The following BMPR1B variants were observed in gnomAD, a reference collection of about 807,000 sequenced individuals.
The protein encoded by BMPR1B is bone morphogenetic protein receptor type-1B.
BMPR1B carries 12 observed loss-of-function variants against 59.1 expected under a neutral mutation model. That is an observed-to-expected ratio of 0.20 (90% CI 0.13 to 0.33). The LOEUF is 0.33. Ranked by LOEUF, BMPR1B falls within the 10% of genes least tolerant of loss-of-function variation. The probability of loss-of-function intolerance (pLI) is 1.00; values close to 1 mark genes in which losing one functional copy is unlikely to be tolerated. For synonymous variants in BMPR1B, 237 were observed against 207.3 expected, an observed-to-expected ratio of 1.14 and a Z score of -1.23; for missense variants, 550 against 610.9, an observed-to-expected ratio of 0.90 and a Z score of 1.05.
At chr4:95,006,870 A>G (rs1317892845) in intron 3 of BMPR1B, among the ~76,000 whole-genome samples, 1 of 152,040 alleles carries the variant, frequency 6.6e-6, no homozygotes, top group Admixed American at 6.6e-5. Context: ...TTTACAGTAT[A>G]ATATATGACT....
intron 3 of BMPR1B, among the ~76,000 whole-genome samples, chr4:95,076,894 G>A (rs1728753817): frequency 6.6e-6 from 1 of 152,128 alleles, no homozygotes; most frequent in Non-Finnish European, 1.5e-5. Context: ...AGAAGATGAA[G>A]CTGGAATGGA....
chr4:95,093,731 G>A (rs1402200529), intron 3 of BMPR1B, among the ~76,000 whole-genome samples: 1 of 152,056 alleles, frequency 6.6e-6, no homozygotes, highest in Non-Finnish European at 1.5e-5. Flanking sequence ...CGGGTGATGT[G>A]TAATGTCGAT....
chr4:95,053,924 C>T (rs1390655091), intron 3 of BMPR1B, among the ~76,000 whole-genome samples: 6 of 152,146 alleles, frequency 3.9e-5, no homozygotes, highest in African/African-American at 1.4e-4. Flanking sequence ...TTGACAACAT[C>T]TAACATCCTT....
intron 1 of BMPR1B, among the ~76,000 whole-genome samples, chr4:94,840,620 C>CT (rs1039856643): frequency 3.4e-5 from 5 of 145,500 alleles, no homozygotes; most frequent in Non-Finnish European, 7.6e-5. Context: ...CCATCAGCTC[C>CT]TTTAAGCACT....
At chr4:94,854,304 T>C (rs181231057) in intron 1 of BMPR1B, among the ~76,000 whole-genome samples, 55 of 152,300 alleles carry the variant, frequency 3.6e-4, no homozygotes, top group African/African-American at 1.3e-3. Flanking sequence ...ATAATGAATT[T>C]GAATATGGAA....
chr4:94,830,095 T>G (rs1299331525), intron 1 of BMPR1B, among the ~76,000 whole-genome samples: 1 of 152,156 alleles, frequency 6.6e-6, no homozygotes, highest in African/African-American at 2.4e-5. Flanking sequence ...AAGTAATATA[T>G]TTAGGTCATC....
At chr4:94,942,449 C>T (rs1309316499) in intron 2 of BMPR1B, among the ~76,000 whole-genome samples, 1 of 152,106 alleles carries the variant, frequency 6.6e-6, no homozygotes, top group Non-Finnish European at 1.5e-5. Context: ...ACTTTAGAAC[C>T]TCTGGAAATT....
intron 3 of BMPR1B, chr4:95,091,548 C>G (rs2149249047): frequency 1.0e-6 from 1 of 985,300 alleles, no homozygotes; most frequent in East Asian, 1.1e-4. Context: ...GTGGAAACCC[C>G]TAGCAATTCT....
chr4:94,975,903 A>G (rs186807649), intron 2 of BMPR1B, among the ~76,000 whole-genome samples: 783 of 152,222 alleles, frequency 5.1e-3, no homozygotes, highest in Middle Eastern at 0.014. Context: ...TTTTGTTTCT[A>G]TTAATTCTAT....
intron 1 of BMPR1B, among the ~76,000 whole-genome samples, chr4:94,834,770 G>A (rs1724735051): frequency 6.6e-6 from 1 of 152,086 alleles, no homozygotes; most frequent in Admixed American, 6.6e-5. Flanking sequence ...CTCAACAGTA[G>A]CAGCTCTTCC....
chr4:95,135,969 T>C (rs927910280), intron 10 of BMPR1B, among the ~76,000 whole-genome samples: 2 of 152,220 alleles, frequency 1.3e-5, no homozygotes, highest in Non-Finnish European at 2.9e-5. Flanking sequence ...TTCCAGTGTT[T>C]GCCCATTCAG....
chr4:95,061,606 C>T (rs540078053), intron 3 of BMPR1B, among the ~76,000 whole-genome samples: 177 of 152,150 alleles, frequency 1.2e-3, no homozygotes, highest in African/African-American at 4.0e-3. Flanking sequence ...TTTTTGAAAG[C>T]GAAGAAAATG....
rs1296488991 is a variant in BMPR1B at position 95,061,205 on chromosome 4, ACACAC to A, written c.-17-43197_-17-43193del. Among the ~76,000 whole-genome samples the A allele has an allele frequency of 1.2e-3, 152 of 126,338 alleles. 1 individual carries two copies. Among genetic ancestry groups the A allele is most frequent in the African/African-American group, 4.1e-3 (136 of 33,464 alleles). 82.9% of individuals were successfully genotyped at this position (126,338 alleles called of 152,430 possible). ...CACACACACACACACACACACACAC[ACACAC>A]CACACACCCCTCCATTGAATATACA... is the stretch of plus-strand genomic sequence containing the variant. On this transcript the variant is annotated intron_variant, in intron 3 of 12. Coordinates refer to ENST00000515059, the MANE Select transcript of BMPR1B (RefSeq NM_001203.3).
intron 3 of BMPR1B, among the ~76,000 whole-genome samples, chr4:95,007,940 AAATTT>A (rs538184288): frequency 1.3e-5 from 2 of 152,200 alleles, no homozygotes; most frequent in Non-Finnish European, 2.9e-5. Context: ...AAAATTTTAT[AAATTT>A]AATTTAGTTG....
At chr4:95,047,211 G>T (rs999515331) in intron 3 of BMPR1B, among the ~76,000 whole-genome samples, 2 of 152,132 alleles carry the variant, frequency 1.3e-5, no homozygotes, top group East Asian at 3.9e-4. Flanking sequence ...TATATTACCA[G>T]CAACCAAGCT....
At chr4:94,994,594 C>G (rs1721942452) in intron 2 of BMPR1B, among the ~76,000 whole-genome samples, 1 of 152,096 alleles carries the variant, frequency 6.6e-6, no homozygotes, top group Non-Finnish European at 1.5e-5. Flanking sequence ...ACCTATATAC[C>G]TGTGTCGACA....
chr4:95,123,729 G>T, intron 6 of BMPR1B, 81 bp from the exon 7 acceptor site: 2 of 1,121,730 alleles, frequency 1.8e-6, no homozygotes, highest in Non-Finnish European at 2.7e-6. Flanking sequence ...TACTTAGCAA[G>T]TACCTTTAGG....
chr4:94,809,766 A>G (rs1723743736), intron 1 of BMPR1B, among the ~76,000 whole-genome samples: 1 of 152,254 alleles, frequency 6.6e-6, no homozygotes, highest in Non-Finnish European at 1.5e-5. Flanking sequence ...AGCTTTCTAC[A>G]GCTTGCTCCC....
At chr4:94,924,472 A>G (rs1410220061) in intron 2 of BMPR1B, among the ~76,000 whole-genome samples, 1 of 152,058 alleles carries the variant, frequency 6.6e-6, no homozygotes, top group Non-Finnish European at 1.5e-5. Context: ...ATCCTTGTTT[A>G]CCCCATCACT....
Sources: gnomAD v4.1 joint callset for allele counts (sites outside exome capture counted in the v4.1 genomes callset) on GRCh38, gnomAD v4.1.1 for gene constraint, MANE v1.5 for transcripts, NCBI Gene and HGNC (gene_info 2026-07-23, HGNC 2026-07-21) for gene names.